ATXN10: variants seen among roughly 807,000 people sequenced by gnomAD.
The protein encoded by ATXN10 is ataxin 10.
A neutral mutation model predicts 52.9 loss-of-function variants in ATXN10; 28 were observed. The ratio of observed to expected loss-of-function variants is 0.53; its 90% CI spans 0.39 to 0.73. The LOEUF is 0.73. ATXN10 is among the 30% of genes least tolerant of loss of function. The pLI is 0.00. For synonymous variants in ATXN10, 226 were observed against 221.5 expected, an observed-to-expected ratio of 1.02 and a Z score of -0.18; for missense variants, 565 against 577.0, an observed-to-expected ratio of 0.98 and a Z score of 0.21.
Position 45,772,328 on chromosome 22 carries a change from C to T in ATXN10, c.1173+31790C>T, listed in dbSNP as rs1175637094. Among the ~76,000 whole-genome samples the T allele has an allele frequency of 6.6e-6, 1 of 152,140 alleles. No homozygotes were observed. The highest frequency in any genetic ancestry group is 2.4e-5 in the African/African-American group (1 of 41,442). On this transcript the variant is annotated intron_variant, in intron 9 of 11. Transcript: ENST00000252934. This position sits in a 1 kb window ranked among gnomAD's most constrained non-coding sequence, Gnocchi z 4.1. The stretch of plus-strand genomic sequence containing the variant: ...ATTCTAGCAGCATTTGTTAAAAAGA[C>T]TATCCTTTTTTGTTCATTGAATTGC...
At chr22:45,679,069 C>A (rs1006175829) in intron 1 of ATXN10, 5 of 152,050 alleles carry the variant, frequency 3.3e-5, no homozygotes, top group Non-Finnish European at 7.4e-5. Flanking sequence ...TTTTGAAAGC[C>A]GTTTCTGACC....
intron 10 of ATXN10, among the ~76,000 whole-genome samples, chr22:45,814,745 C>T (rs529815904): frequency 3.3e-5 from 5 of 152,254 alleles, no homozygotes; most frequent in Middle Eastern, 3.4e-3. Flanking sequence ...GCTCCGTCTC[C>T]GGTGAGATCA....
chr22:45,683,988 G>C lies in ATXN10; in HGVS notation c.117-5724G>C, dbSNP rs1923030523. 6.6e-6 allele frequency among the ~76,000 whole-genome samples: 1 copy of C among 151,982 alleles called. No individual in the cohort carries two copies. Among genetic ancestry groups the C allele is most frequent in the African/African-American group, 2.4e-5 (1 of 41,350 alleles). ...TTTCTTAGAGACAAGGTCTCGCTGT[G>C]TCACCCAGGCCTGAGTGCAGTGTTG... On this transcript the variant is annotated intron_variant, in intron 1 of 11. Coordinates refer to ENST00000252934, the MANE Select transcript of ATXN10 (RefSeq NM_013236.4). This position sits in a 1 kb window ranked among gnomAD's most constrained non-coding sequence, Gnocchi z 4.8.
chr22:45,791,930 T>TTGG lies in ATXN10; in HGVS notation c.1174-15027_1174-15025dup, dbSNP rs1237739159. Among the ~76,000 whole-genome samples the TTGG allele has an allele frequency of 1.2e-4, 18 of 152,352 alleles. No homozygotes were observed. The East Asian group carries it at 3.5e-3, about 29-fold the overall frequency. ...GCGTCTTTGTGTTTGTTAGTGAGTC[T>TTGG]TGGTCATTTTAGTATCTTTAAAAAT... On this transcript the variant is annotated intron_variant, in intron 9 of 11. Transcript: ENST00000252934.
chr22:45,738,350 T>A (rs1236842050), intron 7 of ATXN10: 1 of 176,564 alleles, frequency 5.7e-6, no homozygotes, highest in African/African-American at 2.4e-5. Context: ...AAAGTGGAAT[T>A]TGCATGCTGG....
chr22:45,736,810 G>A (rs1177898654), intron 7 of ATXN10, among the ~76,000 whole-genome samples: 3 of 152,084 alleles, frequency 2.0e-5, no homozygotes, highest in Admixed American at 6.5e-5. Context: ...AGCACATGAG[G>A]CTTGGTTGTC....
At chr22:45,764,365 C>T (rs1041917325) in intron 9 of ATXN10, among the ~76,000 whole-genome samples, 8 of 151,950 alleles carry the variant, frequency 5.3e-5, no homozygotes, top group African/African-American at 1.9e-4. Flanking sequence ...GGAAGGGTTT[C>T]CCTTAGCAAG....
chr22:45,802,452 C>T (rs1927961080), intron 9 of ATXN10, among the ~76,000 whole-genome samples: 1 of 152,176 alleles, frequency 6.6e-6, no homozygotes, highest in South Asian at 2.1e-4. Context: ...AGTCACCCTT[C>T]CTGAAGGTGC....
At chr22:45,811,877 C>G (rs945402454) in intron 10 of ATXN10, 4 of 440,506 alleles carry the variant, frequency 9.1e-6, no homozygotes, top group African/African-American at 8.0e-5. Flanking sequence ...TCCCACTCCC[C>G]ACACCACCTT....
rs1290259570 is a variant in ATXN10, at chr22:45,780,518, G to A, written c.1174-26441G>A. 6.7e-6 allele frequency among the ~76,000 whole-genome samples: 1 copy of A among 150,132 alleles called. No homozygotes were observed. Among genetic ancestry groups the A allele is most frequent in the African/African-American group, 2.4e-5 (1 of 41,268 alleles). On this transcript the variant is annotated intron_variant, in intron 9 of 11. Coordinates refer to ENST00000252934, the MANE Select transcript of ATXN10 (RefSeq NM_013236.4). The surrounding 1 kb of genome is among the most constrained non-coding windows in gnomAD (Gnocchi z 4.0). ...TTCAACCCTGGCCCTGCTGTGGAGT[G>A]GATGTGAACCTGTGCCAGCCTGTTT...
In ATXN10 at chr22:45,690,120, C is replaced by G. The variant is rs941461608; in HGVS notation, c.308+217C>G. Among the ~76,000 whole-genome samples the G allele has an allele frequency of 6.6e-6, 1 of 151,740 alleles. No homozygotes were observed. The highest frequency in any genetic ancestry group is 1.5e-5 in the Non-Finnish European group (1 of 67,910). ...AGACCCTGTCTCTACAAAAAAAATA[C>G]AAAAAATTAGCTGGACATGGTGGCG... is the stretch of plus-strand genomic sequence containing the variant. On this transcript the variant is annotated intron_variant, in intron 2 of 11. Coordinates refer to ENST00000252934, the MANE Select transcript of ATXN10 (RefSeq NM_013236.4). The surrounding 1 kb of genome is among the most constrained non-coding windows in gnomAD (Gnocchi z 4.5).
intron 7 of ATXN10, among the ~76,000 whole-genome samples, chr22:45,737,690 C>CTTTTTTTTTTTTGTTTTTTTTTTTTTT (rs1925349365): frequency 8.1e-6 from 1 of 123,238 alleles, no homozygotes. Context: ...AATGTTATCT[C>CTTTTTTTTTTTTGTTTTTTTTTTTTTT]TTTTTTTTTT....
chr22:45,710,985 A>G (rs1924225282), intron 5 of ATXN10, among the ~76,000 whole-genome samples: 1 of 152,168 alleles, frequency 6.6e-6, no homozygotes, highest in Non-Finnish European at 1.5e-5. Context: ...AAGGGTCTGT[A>G]TCGTTGTTCT....
intron 1 of ATXN10, chr22:45,680,264 G>A (rs1407988653): frequency 6.6e-6 from 1 of 152,172 alleles, no homozygotes; most frequent in East Asian, 1.9e-4. Context: ...TAGCGTTTTC[G>A]TTGTTGGTGT....
At chr22:45,804,834 C>G (rs956923771) in intron 9 of ATXN10, among the ~76,000 whole-genome samples, 1 of 152,182 alleles carries the variant, frequency 6.6e-6, no homozygotes, top group Non-Finnish European at 1.5e-5. Flanking sequence ...CTTCTTTACC[C>G]TGTGGATAAC....
intron 9 of ATXN10, among the ~76,000 whole-genome samples, chr22:45,800,925 C>T (rs1052380831): frequency 5.3e-5 from 8 of 152,204 alleles, no homozygotes; most frequent in African/African-American, 1.9e-4. Context: ...CAGAGCTGCG[C>T]AAGGAGCTTT....
chr22:45,672,246 G>T (rs997154035), intron 1 of ATXN10, 67 bp downstream of exon 1: 3 of 1,313,994 alleles, frequency 2.3e-6, no homozygotes, highest in South Asian at 2.0e-5. Context: ...CGGCGGCCCC[G>T]GCCTGGACCC....
At position 45,727,330 on chromosome 22, in the gene ATXN10, T is replaced by A. The variant is rs552383568; in HGVS notation, c.729-2095T>A. Among the ~76,000 whole-genome samples the A allele has an allele frequency of 7.8e-6, 1 of 128,326 alleles. No homozygotes were observed. The highest frequency in any genetic ancestry group is 2.5e-4 in the East Asian group (1 of 4,040). 84.2% of individuals were successfully genotyped at this position (128,326 alleles called of 152,430 possible). On this transcript the variant is annotated intron_variant, in intron 6 of 11. Coordinates refer to ENST00000252934, the MANE Select transcript of ATXN10 (RefSeq NM_013236.4). The surrounding 1 kb of genome is among the most constrained non-coding windows in gnomAD (Gnocchi z 4.6). The stretch of plus-strand genomic sequence containing the variant: ...AGTTCTGTCTGTCTGTCTATCTATC[T>A]ATATCTATCTATCTATCTATCTATC...
chr22:45,822,523 A>ATTTTTTTT (rs763159693), intron 10 of ATXN10, among the ~76,000 whole-genome samples: 17 of 96,626 alleles, frequency 1.8e-4, no homozygotes, highest in East Asian at 2.8e-4. Context: ...AATTTCTCCA[A>ATTTTTTTT]TTTTTTTTTT....
Sources: gnomAD v4.1 joint callset for allele counts (sites outside exome capture counted in the v4.1 genomes callset) on GRCh38, gnomAD v4.1.1 for gene constraint, Gnocchi (gnomAD v3.1) non-coding constraint, MANE v1.5 for transcripts, NCBI Gene and HGNC (gene_info 2026-07-23, HGNC 2026-07-21) for gene names.